The following TMEM117 variants were observed in gnomAD, a reference collection of about 807,000 sequenced individuals.
TMEM117 encodes transmembrane protein 117.
TMEM117 carries 27 observed loss-of-function variants against 52.4 expected under a neutral mutation model. That is an observed-to-expected ratio of 0.51 (90% CI 0.38 to 0.71). TMEM117 has a LOEUF of 0.71. TMEM117 is among the 30% of genes least tolerant of loss of function. The pLI is 0.00. For synonymous variants in TMEM117, 215 were observed against 206.3 expected (o/e 1.04, Z -0.36); for missense variants, 556 against 630.5 (o/e 0.88, Z 1.26).
chr12:44,382,047 C>T (rs1592732007), intron 7 of TMEM117, among the ~76,000 whole-genome samples: 1 of 152,190 alleles, frequency 6.6e-6, no homozygotes, highest in South Asian at 2.1e-4. Flanking sequence ...AACCTTTCCT[C>T]AAGCAATTTT....
At chr12:44,225,090 T>C (rs888770880) in intron 5 of TMEM117, among the ~76,000 whole-genome samples, 2 of 152,272 alleles carry the variant, frequency 1.3e-5, no homozygotes, top group South Asian at 2.1e-4. Flanking sequence ...ACAGTATTTT[T>C]ATGTGTCTTC....
At chr12:44,092,729 T>A (rs550344938) in intron 3 of TMEM117, among the ~76,000 whole-genome samples, 1 of 152,310 alleles carries the variant, frequency 6.6e-6, no homozygotes, top group East Asian at 1.9e-4. Flanking sequence ...GCAGTCTCCA[T>A]GTAGATCCTA....
intron 3 of TMEM117, among the ~76,000 whole-genome samples, chr12:43,982,964 ATT>A (rs981758299): frequency 6.6e-6 from 1 of 152,132 alleles, no homozygotes; most frequent in African/African-American, 2.4e-5. Flanking sequence ...TTAAATTCTT[ATT>A]ATAAAGTTGA....
At chr12:44,152,281 A>C (rs1948746278) in intron 4 of TMEM117, among the ~76,000 whole-genome samples, 1 of 111,796 alleles carries the variant, frequency 8.9e-6, no homozygotes, top group Non-Finnish European at 1.6e-5. Context: ...TTTATATTAT[A>C]TATAATTATA....
intron 2 of TMEM117, among the ~76,000 whole-genome samples, chr12:43,853,540 G>A (rs1297512396): frequency 6.6e-6 from 1 of 152,188 alleles, no homozygotes; most frequent in Admixed American, 6.5e-5. Flanking sequence ...CTCCTAAAGT[G>A]CTGGGATTAC....
chr12:44,093,639 A>G (rs866040546), intron 3 of TMEM117, among the ~76,000 whole-genome samples: 11 of 152,110 alleles, frequency 7.2e-5, no homozygotes, highest in East Asian at 1.9e-4. Context: ...TTATAAACCA[A>G]TCATCCCAAT....
At chr12:44,127,866 C>T (rs1244685622) in intron 3 of TMEM117, among the ~76,000 whole-genome samples, 1 of 152,170 alleles carries the variant, frequency 6.6e-6, no homozygotes, top group Non-Finnish European at 1.5e-5. Flanking sequence ...TTGCATAAGC[C>T]AGTTCCCTGA....
At chr12:44,050,473 G>A (rs537629359) in intron 3 of TMEM117, among the ~76,000 whole-genome samples, 4 of 152,276 alleles carry the variant, frequency 2.6e-5, no homozygotes, top group South Asian at 2.1e-4. Context: ...CACTGTACCC[G>A]GCTAGAATAG....
chr12:44,296,794 T>TA (rs1950774658), intron 5 of TMEM117, among the ~76,000 whole-genome samples: 1 of 152,226 alleles, frequency 6.6e-6, no homozygotes, highest in South Asian at 2.1e-4. Flanking sequence ...TCAGCCGGTC[T>TA]GTTGTACAAA....
chr12:43,814,847 C>T, the TMEM117 span, among the ~76,000 whole-genome samples: 2 of 150,376 alleles, frequency 1.3e-5, no homozygotes, highest in Non-Finnish European at 2.9e-5. Context: ...CAGGTTCAAG[C>T]GATTCTCCTG....
intron 3 of TMEM117, among the ~76,000 whole-genome samples, chr12:44,061,712 T>C (rs1947141239): frequency 6.6e-6 from 1 of 152,158 alleles, no homozygotes; most frequent in African/African-American, 2.4e-5. Context: ...AAACAGTCAT[T>C]CCATATGGAG....
intron 3 of TMEM117, among the ~76,000 whole-genome samples, chr12:44,141,093 T>G (rs888163560): frequency 1.4e-4 from 21 of 152,146 alleles, no homozygotes; most frequent in African/African-American, 4.8e-4. Context: ...CTCAACAATT[T>G]TAATTTTTTG....
intron 3 of TMEM117, among the ~76,000 whole-genome samples, chr12:43,982,844 T>C (rs1226900477): frequency 6.6e-6 from 1 of 152,238 alleles, no homozygotes; most frequent in African/African-American, 2.4e-5. Flanking sequence ...ACTTGAGCTA[T>C]ACAAATTTCC....
intron 4 of TMEM117, among the ~76,000 whole-genome samples, chr12:44,175,132 TCA>T (rs986474309): frequency 3.1e-4 from 47 of 152,192 alleles, no homozygotes; most frequent in African/African-American, 1.1e-3. Context: ...GCAGATTTTA[TCA>T]CTACTTTGGC....
chr12:43,982,748 C>T (rs973952573), intron 3 of TMEM117, among the ~76,000 whole-genome samples: 2 of 152,146 alleles, frequency 1.3e-5, no homozygotes, highest in Admixed American at 6.6e-5. Context: ...AATGACTCTT[C>T]TTTTACTTGT....
chr12:43,868,258 A>G (rs949169468), intron 2 of TMEM117, among the ~76,000 whole-genome samples: 2 of 148,208 alleles, frequency 1.3e-5, no homozygotes, highest in Admixed American at 7.0e-5. Context: ...AACACACTTC[A>G]GGCTATGCAT....
At chr12:43,955,551 A>G (rs1945293016) in intron 3 of TMEM117, among the ~76,000 whole-genome samples, 1 of 152,234 alleles carries the variant, frequency 6.6e-6, no homozygotes, top group African/African-American at 2.4e-5. Context: ...AATTGCCACA[A>G]ATGAATAAAA....
the TMEM117 span, among the ~76,000 whole-genome samples, chr12:44,395,257 C>T: frequency 6.6e-6 from 1 of 152,166 alleles, no homozygotes; most frequent in African/African-American, 2.4e-5. Context: ...CTCAGAGGCT[C>T]TGTCATTTAC....
At chr12:44,195,136 C>G (rs987678170) in intron 4 of TMEM117, among the ~76,000 whole-genome samples, 11 of 152,282 alleles carry the variant, frequency 7.2e-5, no homozygotes, top group Admixed American at 5.2e-4. Flanking sequence ...TCTCATAAAT[C>G]TGAAATCAAT....
Sources: gnomAD v4.1 joint callset for allele counts (sites outside exome capture counted in the v4.1 genomes callset) on GRCh38, gnomAD v4.1.1 for gene constraint, MANE v1.5 for transcripts, NCBI Gene and HGNC (gene_info 2026-07-23, HGNC 2026-07-21) for gene names.